Variants in ZNF845 observed in about 807,000 individuals in gnomAD.
ZNF845 encodes the protein zinc finger protein 845.
In ZNF845, 59 loss-of-function variants were observed where a neutral mutation model predicts 76.1. The ratio of observed to expected loss-of-function variants is 0.78; its 90% CI spans 0.63 to 0.96. The LOEUF (loss-of-function observed/expected upper bound fraction) is 0.96, where lower values mean the gene tolerates loss of function less well. Among genes scored for constraint, ZNF845 ranks in the 40% least tolerant of loss-of-function variants. The probability of loss-of-function intolerance (pLI) is 0.00; values close to 1 mark genes in which losing one functional copy is unlikely to be tolerated. For missense variants in ZNF845, 1,045 were observed against 1,172.8 expected, an observed-to-expected ratio of 0.89 and a Z score of 1.59; for synonymous variants, 361 against 386.9, an observed-to-expected ratio of 0.93 and a Z score of 0.78.
At chr19:53,346,505 A>G (rs1000708103) in intron 3 of ZNF845, 2 of 248,212 alleles carry the variant, frequency 8.1e-6, no homozygotes, top group Non-Finnish European at 1.7e-5. Context: ...GCGTGGCGAA[A>G]TTCTGTCTCT....
chr19:53,348,600 A>G (rs1270693135), intron 3 of ZNF845, among the ~76,000 whole-genome samples: 2 of 152,226 alleles, frequency 1.3e-5, no homozygotes, highest in African/African-American at 4.8e-5. Flanking sequence ...GCTTTTGGCC[A>G]ATAAGAACAT....
rs912458862 is a variant in ZNF845, at chr19:53,354,120, C to T, written c.*532C>T. ...TGATTGCAGCAAAGCCTTTACTTCA[C>T]GTTCACACCTAATTAGACATCAGAG... On this transcript the variant is annotated 3_prime_UTR_variant, in exon 4 of 4. Coordinates refer to ENST00000458035, the MANE Select transcript of ZNF845 (RefSeq NM_138374.3). 9.6e-5 allele frequency: 55 copies of T among 574,874 alleles called. No individual in the cohort carries two copies. The highest frequency in any genetic ancestry group is 4.5e-4 in the South Asian group (31 of 69,400). 35.6% of individuals were successfully genotyped at this position (574,874 alleles called of 1,614,324 possible).
In ZNF845 at chr19:53,338,480, GAGA is replaced by G. The variant is rs374245481; in HGVS notation, c.-73-2752_-73-2750del. The stretch of plus-strand genomic sequence containing the variant: ...CTGGATTCCCTTCAGGAAGGGTGGG[GAGA>G]AGGTCAGGGACCTGAGGGGCATGAA... On this transcript the variant is annotated intron_variant, in intron 1 of 3. Coordinates refer to ENST00000458035, the MANE Select transcript of ZNF845 (RefSeq NM_138374.3). Among the ~76,000 whole-genome samples, 206 of 152,186 alleles carry G rather than the reference GAGA, an allele frequency of 1.4e-3. 1 individual carries two copies. Among genetic ancestry groups the G allele is most frequent in the African/African-American group, 4.5e-3 (187 of 41,518 alleles).
chr19:53,353,788 G>A lies in ZNF845; in HGVS notation c.*200G>A. On this transcript the variant is annotated 3_prime_UTR_variant, in exon 4 of 4. Transcript: ENST00000458035. ...CTGAGTGTGGCAAAGCCTTTAGTGG[G>A]CAGTCAACACTTATTCACCATCAGG... 2 of 1,509,982 alleles carry A rather than the reference G, an allele frequency of 1.3e-6. No homozygotes were observed. The highest frequency in any genetic ancestry group is 1.8e-6 in the Non-Finnish European group (2 of 1,130,138). The allele number at this position is 1,509,982 out of a possible 1,614,324, so 93.5% of individuals were successfully genotyped here. A position where few individuals can be genotyped will look rare whatever the true frequency, so the allele number is the denominator to read the frequency against.
chr19:53,347,670 T>C (rs1244773520), intron 3 of ZNF845, among the ~76,000 whole-genome samples: 1 of 152,230 alleles, frequency 6.6e-6, no homozygotes, highest in Non-Finnish European at 1.5e-5. Context: ...CTAAACTTCC[T>C]TTGTTTAATA....
At position 53,345,532 on chromosome 19, in the gene ZNF845, C is replaced by T. The variant is rs1308141193; in HGVS notation, c.42C>T (p.Ala14=). 1 of 1,613,336 alleles carries T rather than the reference C, an allele frequency of 6.2e-7. No individual in the cohort carries two copies. Among genetic ancestry groups the T allele is most frequent in the Non-Finnish European group, 8.5e-7 (1 of 1,179,562 alleles). ...GTCTATTGACATTCAGGGATGTGGC[C>T]ATAGAATTCTCTCAGGAAGAGTGGA... ...SQGLLTFRDV[A]IEFSQEEWKC... The change falls in exon 3 of 4, where the codon GCC becomes GCT. Residue 14 remains alanine, a synonymous_variant. Transcript: ENST00000458035.
At chr19:53,344,609 T>TG (rs1568736734) in intron 2 of ZNF845, among the ~76,000 whole-genome samples, 5 of 140,868 alleles carry the variant, frequency 3.5e-5, no homozygotes, top group Admixed American at 2.2e-4. Context: ...ATTTTATTTA[T>TG]TTTATTTTAT....
chr19:53,352,789 C>A lies in ZNF845; in HGVS notation c.2114C>A (p.Ala705Asp). ...GGCAAGACCTTCGGTCGAAATTCAGCCCTTATAATTCACAAGGCAATTCAT... is the reference window on the plus strand; with the variant it reads ...GGCAAGACCTTCGGTCGAAATTCAGACCTTATAATTCACAAGGCAATTCAT... ...ECGKTFGRNS[A>D]LIIHKAIHTG... Residue 705 changes from alanine to aspartate, a missense_variant, in exon 4 of 4, where the codon GCC (alanine) becomes GAC (aspartate). Ala to Asp is a moderately radical substitution (Grantham distance 126). Transcript: ENST00000458035. 1 of 1,612,458 alleles carries A rather than the reference C, an allele frequency of 6.2e-7. No individual in the cohort carries two copies.
At chr19:53,335,005 C>A (rs747764026) in intron 1 of ZNF845, among the ~76,000 whole-genome samples, 9 of 152,148 alleles carry the variant, frequency 5.9e-5, no homozygotes, top group African/African-American at 1.7e-4. Flanking sequence ...TTTATATAAT[C>A]TAATAACTTA....
chr19:53,334,745 C>CAAA lies in ZNF845; in HGVS notation c.-74+965_-74+967dup, dbSNP rs376494549. ...GTGAGACCCCCCCCCCCATCTCTGTCAAAAAAAAAAAAAATTTAACTGGGC... is the reference window on the plus strand; with the variant it reads ...GTGAGACCCCCCCCCCCATCTCTGTCAAAAAAAAAAAAAAAAATTTAACTGGGC... On this transcript the variant is annotated intron_variant, in intron 1 of 3. Coordinates refer to ENST00000458035, the MANE Select transcript of ZNF845 (RefSeq NM_138374.3). Among the ~76,000 whole-genome samples the CAAA allele has an allele frequency of 1.0e-3, 148 of 141,318 alleles. 2 individuals are homozygous for CAAA. Among genetic ancestry groups the CAAA allele is most frequent in the Middle Eastern group, 3.5e-3 (1 of 282 alleles). The allele number at this position is 141,318 out of a possible 152,430, so 92.7% of individuals were successfully genotyped here.
In ZNF845 at chr19:53,351,372, C is replaced by T. The variant is rs1208832298; in HGVS notation, c.697C>T (p.His233Tyr). 1 of 1,614,012 alleles carries T rather than the reference C, an allele frequency of 6.2e-7. No individual in the cohort carries two copies. The highest frequency in any genetic ancestry group is 8.5e-7 in the Non-Finnish European group (1 of 1,180,036). The stretch of plus-strand genomic sequence containing the variant: ...TAATTATAGCTCAGTCTTAAGGAAA[C>T]ATCAGATAATCCATTTAGGAGCGAA... ...AFNYSSVLRK[H>Y]QIIHLGAKQY... Residue 233 changes from histidine (H) to tyrosine (Y), a missense_variant, in exon 4 of 4, where the codon CAT becomes TAT. Physicochemically the swap from His to Tyr is moderately conservative, Grantham distance 83. Transcript: ENST00000458035.
intron 1 of ZNF845, among the ~76,000 whole-genome samples, chr19:53,335,077 T>C (rs1325953506): frequency 6.6e-6 from 1 of 152,172 alleles, no homozygotes; most frequent in Non-Finnish European, 1.5e-5. Flanking sequence ...ATAAGACACA[T>C]ACATTCTGTA....
At chr19:53,337,855 G>A (rs1228638131) in intron 1 of ZNF845, among the ~76,000 whole-genome samples, 4 of 151,906 alleles carry the variant, frequency 2.6e-5, no homozygotes, top group South Asian at 4.1e-4. Flanking sequence ...ATGAGCCACC[G>A]CGCCCGCCCC....
chr19:53,340,661 A>G (rs1407226723), intron 1 of ZNF845, among the ~76,000 whole-genome samples: 1 of 152,262 alleles, frequency 6.6e-6, no homozygotes, highest in Non-Finnish European at 1.5e-5. Context: ...TAAAGAAAAA[A>G]TTACATGTTT....
chr19:53,340,163 T>A (rs1376098418), intron 1 of ZNF845, among the ~76,000 whole-genome samples: 1 of 152,250 alleles, frequency 6.6e-6, no homozygotes, highest in African/African-American at 2.4e-5. Context: ...GCGATTCTCA[T>A]GCCTCAGCCT....
At position 53,355,761 on chromosome 19, in the gene ZNF845, G is replaced by A. The variant is rs1165200665; in HGVS notation, c.*2173G>A. ...AAAACCATTCCATTTTCCTTCATTG[G>A]TTATTTCAGCTGTGGTCATTTCATG... On this transcript the variant is annotated 3_prime_UTR_variant, in exon 4 of 4. Transcript: ENST00000458035. The A allele has an allele frequency of 6.6e-6, 1 of 152,004 alleles. No individual in the cohort carries two copies. Among genetic ancestry groups the A allele is most frequent in the Non-Finnish European group, 1.5e-5 (1 of 68,004 alleles). The allele number at this position is 152,004 out of a possible 1,614,324, so 9.4% of individuals were successfully genotyped here. A position where few individuals can be genotyped will look rare whatever the true frequency, so the allele number is the denominator to read the frequency against.
At position 53,352,361 on chromosome 19, in the gene ZNF845, G is replaced by A. The variant is rs1240790155; in HGVS notation, c.1686G>A (p.Gly562=). 2 of 1,613,416 alleles carry A rather than the reference G, an allele frequency of 1.2e-6. No individual in the cohort carries two copies. The highest frequency in any genetic ancestry group is 2.2e-5 in the East Asian group (1 of 44,834). ...QCNECGKAFR[G]QSALIYHQAI... is the part of the protein sequence containing the mutation. The stretch of plus-strand genomic sequence containing the variant: ...ATGAGTGTGGCAAAGCCTTTCGTGG[G>A]CAGTCAGCACTTATTTACCATCAAG... The change falls in exon 4 of 4, where the codon GGG becomes GGA. Residue 562 remains glycine (G), a synonymous_variant. Transcript: ENST00000458035.
Position 53,353,339 on chromosome 19 carries a change from G to A in ZNF845, c.2664G>A (p.Lys888=). Residue 888 remains lysine (K), a synonymous_variant, in exon 4 of 4, where the codon AAG becomes AAA. Coordinates refer to ENST00000458035, the MANE Select transcript of ZNF845 (RefSeq NM_138374.3). ...TTCATACTGGAGAGAAACCTTACAA[G>A]TGTAATAAATGTGGTAAGGTTTTTA... The part of the protein sequence containing the change: ...HRLHTGEKPY[K]CNKCGKVFNQ... 3 of 1,612,406 alleles carry A rather than the reference G, an allele frequency of 1.9e-6. No homozygotes were observed. The highest frequency in any genetic ancestry group is 2.5e-6 in the Non-Finnish European group (3 of 1,179,552).
Position 53,334,498 on chromosome 19 carries a change from AAAC to A in ZNF845, c.-74+709_-74+711del, listed in dbSNP as rs370139027. Among the ~76,000 whole-genome samples the A allele has an allele frequency of 6.8e-4, 103 of 152,238 alleles. 1 individual carries two copies. In the East Asian group the frequency reaches 0.014, roughly 21 times the overall value. On this transcript the variant is annotated intron_variant, in intron 1 of 3. Transcript: ENST00000458035. ...GAGCAAAAATGAAAAAAACAAAACAAAACAAAAAACAGCAGGAGGAGCAGATCC... is the reference window on the plus strand; with the variant it reads ...GAGCAAAAATGAAAAAAACAAAACAAAAAAAACAGCAGGAGGAGCAGATCC...
Sources: allele counts gnomAD v4.1 joint callset (sites outside exome capture counted in the v4.1 genomes callset), GRCh38; gene constraint gnomAD v4.1.1; transcripts MANE v1.5; gene names NCBI Gene and HGNC (gene_info 2026-07-23, HGNC 2026-07-21).